The following MARCHF10 variants were observed in gnomAD, a reference collection of about 807,000 sequenced individuals.
The protein encoded by MARCHF10 is probable E3 ubiquitin-protein ligase MARCHF10.
MARCHF10 carries 64 observed loss-of-function variants against 76.2 expected under a neutral mutation model. That is an observed-to-expected ratio of 0.84 (90% confidence interval 0.69 to 1.03). The LOEUF is 1.03. MARCHF10 is among the 50% of genes least tolerant of loss of function. The probability of loss-of-function intolerance (pLI) is 0.00; values close to 1 mark genes in which losing one functional copy is unlikely to be tolerated. For synonymous variants in MARCHF10, 340 were observed against 357.5 expected, an observed-to-expected ratio of 0.95 and a Z score of 0.55; for missense variants, 875 against 958.0, an observed-to-expected ratio of 0.91 and a Z score of 1.14.
intron 6 of MARCHF10, among the ~76,000 whole-genome samples, chr17:62,730,053 C>T (rs186064978): frequency 6.6e-6 from 1 of 152,106 alleles, no homozygotes; most frequent in Non-Finnish European, 1.5e-5. Flanking sequence ...GAGGTGGCGC[C>T]TGCCTGTAAT....
At chr17:62,742,520 G>T (rs1031266540) in intron 5 of MARCHF10, among the ~76,000 whole-genome samples, 1 of 152,150 alleles carries the variant, frequency 6.6e-6, no homozygotes, top group Non-Finnish European at 1.5e-5. Context: ...AATTTGGGGA[G>T]ATAAGGAGCC....
intron 10 of MARCHF10, among the ~76,000 whole-genome samples, chr17:62,702,075 C>G (rs1408017087): frequency 6.6e-6 from 1 of 152,202 alleles, no homozygotes; most frequent in Non-Finnish European, 1.5e-5. Context: ...TGCTTCCTCT[C>G]AGGGTAAGGC....
At chr17:62,796,303 A>G (rs1176196050) in intron 2 of MARCHF10, among the ~76,000 whole-genome samples, 1 of 152,118 alleles carries the variant, frequency 6.6e-6, no homozygotes. Context: ...ACATCATGCA[A>G]TTGATTCTTA....
At chr17:62,794,496 G>A (rs2092951457) in intron 2 of MARCHF10, among the ~76,000 whole-genome samples, 1 of 152,202 alleles carries the variant, frequency 6.6e-6, no homozygotes. Flanking sequence ...GTAGAGGTCT[G>A]TTTCCTATAC....
Position 62,711,328 on chromosome 17 carries a change from A to T in MARCHF10, c.2231T>A (p.Met744Lys), listed in dbSNP as rs1235236480. Reference sequence around the variant, plus strand: ...CAGCACCAGGTACAAGCCTGAATTCATCAGCTCGTTTTGTGCCTACAAATG... The same window carrying T: ...CAGCACCAGGTACAAGCCTGAATTCTTCAGCTCGTTTTGTGCCTACAAATG... ...HQQSQAQNEL[M>K]NSGLYLVLLL... The change falls in exon 9 of 11, where the codon ATG becomes AAG. Residue 744 changes from methionine (M) to lysine (K), a missense_variant. Met to Lys is a moderately conservative substitution (Grantham distance 95). Transcript: ENST00000311269. This position sits in a 1 kb window ranked among gnomAD's most constrained non-coding sequence, Gnocchi z 4.4. 2 of 1,614,214 alleles carry T rather than the reference A, an allele frequency of 1.2e-6. No individual in the cohort carries two copies.
intron 5 of MARCHF10, among the ~76,000 whole-genome samples, chr17:62,739,598 C>T (rs1038280226): frequency 2.0e-5 from 3 of 152,096 alleles, no homozygotes; most frequent in African/African-American, 7.2e-5. Context: ...TCAGGCTGGT[C>T]TCCAACTCCC....
At chr17:62,801,571 G>T in intron 2 of MARCHF10, 75 bp downstream of exon 2, 1 of 1,299,014 alleles carries the variant, frequency 7.7e-7, no homozygotes, top group African/African-American at 1.5e-5. Flanking sequence ...CTTATCATAC[G>T]TTGATGCTGT....
intron 7 of MARCHF10, among the ~76,000 whole-genome samples, chr17:62,724,189 T>C (rs200897378): frequency 2.1e-5 from 3 of 145,622 alleles, no homozygotes; most frequent in African/African-American, 5.5e-5. Context: ...TCCATGCATT[T>C]TTTTTTTTTT....
At chr17:62,767,536 C>T (rs2092361897) in intron 3 of MARCHF10, among the ~76,000 whole-genome samples, 1 of 146,222 alleles carries the variant, frequency 6.8e-6, no homozygotes, top group Admixed American at 7.2e-5. Flanking sequence ...CTGCAACCTC[C>T]ACCTCCCAGG....
chr17:62,702,462 C>T (rs1299119243), intron 10 of MARCHF10, among the ~76,000 whole-genome samples: 3 of 151,912 alleles, frequency 2.0e-5, no homozygotes, highest in Non-Finnish European at 4.4e-5. Context: ...GTCAGGAGTT[C>T]GAGACCAGCC....
intron 3 of MARCHF10, among the ~76,000 whole-genome samples, chr17:62,782,717 A>G (rs1231976856): frequency 1.3e-5 from 2 of 152,026 alleles, no homozygotes; most frequent in African/African-American, 4.8e-5. Flanking sequence ...CCAATCCATG[A>G]TTTTGGGGGT....
chr17:62,702,553 C>G (rs552072324), intron 10 of MARCHF10, among the ~76,000 whole-genome samples: 1 of 152,134 alleles, frequency 6.6e-6, no homozygotes, highest in South Asian at 2.1e-4. Context: ...GTAATCCCAG[C>G]TGCTTAGGAG....
chr17:62,797,182 T>A lies in MARCHF10; in HGVS notation c.90+4464A>T, dbSNP rs73335788. On this transcript the variant is annotated intron_variant, in intron 2 of 10. Coordinates refer to ENST00000311269, the MANE Select transcript of MARCHF10 (RefSeq NM_152598.4). ...TACTAAAAGTCTTTAAACTGTACAC[T>A]TAAAACAGGTTGAATTTTATGATAT... Among the ~76,000 whole-genome samples the A allele has an allele frequency of 7.8e-3, 1,191 of 152,322 alleles. 11 individuals carry two copies. Among genetic ancestry groups the A allele is most frequent in the African/African-American group, 0.027 (1,126 of 41,572 alleles).
rs2091623714 is a variant in MARCHF10, at chr17:62,744,319, C to T, written c.535+57G>A. On this transcript the variant is annotated intron_variant, in intron 5 of 10. Transcript: ENST00000311269. Reference sequence around the variant, plus strand: ...AAACCATAAAGAATTCACCGGGTAACAGCAAAAATCAGTCCTCCTCTCCAA... The same window carrying T: ...AAACCATAAAGAATTCACCGGGTAATAGCAAAAATCAGTCCTCCTCTCCAA... 2.6e-6 allele frequency: 4 copies of T among 1,554,006 alleles called. No homozygotes were observed. The South Asian group carries it at 3.6e-5, about 14-fold the overall frequency.
At chr17:62,760,687 A>G (rs1222141143) in intron 3 of MARCHF10, among the ~76,000 whole-genome samples, 2 of 152,234 alleles carry the variant, frequency 1.3e-5, no homozygotes, top group African/African-American at 4.8e-5. Flanking sequence ...CCCACCAAAG[A>G]AAGGATGAAA....
intron 3 of MARCHF10, among the ~76,000 whole-genome samples, chr17:62,775,465 A>G (rs962761421): frequency 2.0e-5 from 3 of 150,184 alleles, no homozygotes; most frequent in Admixed American, 2.0e-4. Context: ...TGAACTACAG[A>G]CATTTGTATA....
intron 6 of MARCHF10, among the ~76,000 whole-genome samples, chr17:62,727,918 G>C (rs61406208): frequency 2.6e-5 from 4 of 152,222 alleles, no homozygotes; most frequent in Non-Finnish European, 5.9e-5. Context: ...TTCAGCACGA[G>C]GGGACCAGCT....
Position 62,718,118 on chromosome 17 carries a change from G to A in MARCHF10, c.2214+4370C>T, listed in dbSNP as rs1433029832. The stretch of plus-strand genomic sequence containing the variant: ...GCCCACACTCTGTCTATGAGGTGAT[G>A]TACTCGAGTCTTTTCCTACATCCAG... On this transcript the variant is annotated intron_variant, in intron 8 of 10. Transcript: ENST00000311269. Among the ~76,000 whole-genome samples, 3 of 152,178 alleles carry A rather than the reference G, an allele frequency of 2.0e-5. No homozygotes were observed. The East Asian group carries it at 5.8e-4, about 29-fold the overall frequency.
At chr17:62,747,922 G>A (rs1181363432) in intron 4 of MARCHF10, among the ~76,000 whole-genome samples, 1 of 152,208 alleles carries the variant, frequency 6.6e-6, no homozygotes, top group African/African-American at 2.4e-5. Context: ...TGAACAAGAT[G>A]TTGCCTCATG....
Sources: allele counts gnomAD v4.1 joint callset (sites outside exome capture counted in the v4.1 genomes callset), GRCh38; gene constraint gnomAD v4.1.1; non-coding constraint Gnocchi (gnomAD v3.1); transcripts MANE v1.5; gene names NCBI Gene and HGNC (gene_info 2026-07-23, HGNC 2026-07-21).